ANKRD13D: variants seen among roughly 807,000 people sequenced by gnomAD.
ANKRD13D encodes ankyrin repeat domain-containing protein 13D.
Under a neutral mutation model 68.8 loss-of-function variants are expected in ANKRD13D, and 24 were observed. The observed-to-expected ratio is 0.35, with a 90% CI of 0.25 to 0.49. ANKRD13D has a LOEUF of 0.49. Ranked by LOEUF, ANKRD13D falls within the 20% of genes least tolerant of loss-of-function variation. The pLI, the probability that ANKRD13D is intolerant of heterozygous loss-of-function variation, is 0.99. For synonymous variants in ANKRD13D, 331 were observed against 336.1 expected (o/e 0.98, Z 0.16); for missense variants, 735 against 832.1 (o/e 0.88, Z 1.44).
At position 67,291,463 on chromosome 11, in the gene ANKRD13D, T is replaced by C; in HGVS notation, c.352-13T>C. On this transcript the variant is annotated splice_polypyrimidine_tract_variant and intron_variant, in intron 3 of 14. Transcript: ENST00000511455. Reference sequence around the variant, plus strand: ...CAGGCAGGGCGCTGACAAGCAGCTCTGGTTTCTCTTAGGCCCCCGATTTCT... The same window carrying C: ...CAGGCAGGGCGCTGACAAGCAGCTCCGGTTTCTCTTAGGCCCCCGATTTCT... The C allele has an allele frequency of 6.2e-7, 1 of 1,612,966 alleles. No individual in the cohort carries two copies. The highest frequency in any genetic ancestry group is 8.5e-7 in the Non-Finnish European group (1 of 1,179,592).
chr11:67,297,219 TC>T (rs1035945642), intron 6 of ANKRD13D, among the ~76,000 whole-genome samples: 14 of 152,338 alleles, frequency 9.2e-5, no homozygotes, highest in African/African-American at 3.4e-4. Flanking sequence ...GCATGTCTTT[TC>T]TTTTTTTGAC....
Position 67,289,547 on chromosome 11 carries a change from C to T in ANKRD13D, c.87C>T (p.His29=). Residue 29 remains histidine (H), a synonymous_variant, in exon 1 of 15, where the codon CAC becomes CAT. Coordinates refer to ENST00000511455, the MANE Select transcript of ANKRD13D (RefSeq NM_207354.3). ...AACTGGAGGCCGCACTGCACAGCCA[C>T]CAGGTGAGGCCCCGCTGGGGCACCC... ...HRELEAALHS[H]QHDIEQEDPR... 2 of 1,525,172 alleles carry T rather than the reference C, an allele frequency of 1.3e-6. No individual in the cohort carries two copies. Among genetic ancestry groups the T allele is most frequent in the South Asian group, 2.4e-5 (2 of 83,604 alleles). The allele number at this position is 1,525,172 out of a possible 1,614,324, so 94.5% of individuals were successfully genotyped here.
Position 67,300,688 on chromosome 11 carries a change from C to T in ANKRD13D, c.1074-302C>T, listed in dbSNP as rs772687637. 8 of 504,724 alleles carry T rather than the reference C, an allele frequency of 1.6e-5. No individual in the cohort carries two copies. The highest frequency in any genetic ancestry group is 3.4e-5 in the South Asian group (1 of 29,440). The allele number at this position is 504,724 out of a possible 1,614,324, so 31.3% of individuals were successfully genotyped here. A position where few individuals can be genotyped will look rare whatever the true frequency, so the allele number is the denominator to read the frequency against. On this transcript the variant is annotated intron_variant, in intron 10 of 14. Transcript: ENST00000511455. The surrounding 1 kb of genome is among the most constrained non-coding windows in gnomAD (Gnocchi z 4.3). ...ACCAGCTCTGGGCTGAGGAGGAAAA[C>T]GGGGCTGTGGGCCAGGCCCAGAGAG...
chr11:67,291,013 C>G (rs1231969953), intron 3 of ANKRD13D: 2 of 191,642 alleles, frequency 1.0e-5, no homozygotes, highest in South Asian at 1.8e-4. Context: ...CTTGGCCCAC[C>G]CTCTCCAGGG....
Position 67,302,200 on chromosome 11 carries a change from A to T in ANKRD13D, c.1686A>T (p.Pro562=). The T allele has an allele frequency of 6.3e-7, 1 of 1,590,882 alleles. No individual in the cohort carries two copies. Among genetic ancestry groups the T allele is most frequent in the East Asian group, 2.3e-5 (1 of 43,864 alleles). The change falls in exon 15 of 15, where the codon CCA becomes CCT. Residue 562 remains proline (P), a synonymous_variant. Transcript: ENST00000511455. ...SPPRTPPAPG[P]PSFEEQLRLA... is the part of the protein sequence containing the mutation. ...CCAGGACACCCCCAGCCCCCGGTCCACCCAGCTTTGAAGAGCAGCTGCGCC... is the reference window on the plus strand; with the variant it reads ...CCAGGACACCCCCAGCCCCCGGTCCTCCCAGCTTTGAAGAGCAGCTGCGCC...
chr11:67,289,977 G>A, intron 1 of ANKRD13D, 101 bp from the exon 2 acceptor site: 10 of 1,464,678 alleles, frequency 6.8e-6, no homozygotes, highest in African/African-American at 1.4e-5. Flanking sequence ...TCAGTCCGCC[G>A]TCCTTATTTC....
Position 67,300,356 on chromosome 11 carries a change from G to T in ANKRD13D, c.1073+233G>T. On this transcript the variant is annotated intron_variant, in intron 10 of 14. Transcript: ENST00000511455. The surrounding 1 kb of genome is among the most constrained non-coding windows in gnomAD (Gnocchi z 4.3). Reference sequence around the variant, plus strand: ...TGAATGGATGGTGCCACCCATGTATGGTTTTCTATTGAATTTCATGAGTAC... The same window carrying T: ...TGAATGGATGGTGCCACCCATGTATTGTTTTCTATTGAATTTCATGAGTAC... The T allele has an allele frequency of 1.8e-6, 1 of 560,260 alleles. No homozygotes were observed. The highest frequency in any genetic ancestry group is 3.0e-6 in the Non-Finnish European group (1 of 328,918). The allele number at this position is 560,260 out of a possible 1,614,324, so 34.7% of individuals were successfully genotyped here.
chr11:67,289,617 T>TGGGGGGGGGGGGGGGGGGG (rs1860443953), intron 1 of ANKRD13D, 67 bp downstream of exon 1: 5 of 1,125,046 alleles, frequency 4.4e-6, no homozygotes, highest in Non-Finnish European at 4.5e-6. Context: ...GCCTCCGTCC[T>TGGGGGGGGGGGGGGGGGGG]GGAGCCCCCC....
chr11:67,295,877 A>G (rs926925552), intron 6 of ANKRD13D, among the ~76,000 whole-genome samples: 2 of 152,234 alleles, frequency 1.3e-5, no homozygotes, highest in African/African-American at 4.8e-5. Context: ...TTTGGTAGAT[A>G]CCCTTCATCA....
chr11:67,294,681 C>T (rs186306958), intron 6 of ANKRD13D, among the ~76,000 whole-genome samples: 178 of 152,130 alleles, frequency 1.2e-3, no homozygotes, highest in Admixed American at 2.2e-3. Flanking sequence ...GCTGGGATTA[C>T]AGGTGCCCAC....
chr11:67,302,154 C>A lies in ANKRD13D; in HGVS notation c.1640C>A (p.Pro547His), dbSNP rs755723333. The A allele has an allele frequency of 1.1e-5, 17 of 1,595,284 alleles. 1 individual carries two copies. In the South Asian group the frequency reaches 1.9e-4, roughly 18 times the overall value. ...LQESLQLSTE[P>H]RGPGSPPRTP... ...GAAAGCCTGCAGCTGTCCACAGAGC[C>A]CAGGGGCCCAGGATCCCCTCCCAGG... Residue 547 changes from proline (P) to histidine (H), a missense_variant, in exon 15 of 15, where the codon CCC (proline) becomes CAC (histidine). Pro to His is a moderately conservative substitution (Grantham distance 77, BLOSUM62 -2). Transcript: ENST00000511455.
chr11:67,297,911 C>G (rs1860822544), intron 6 of ANKRD13D: 2 of 151,638 alleles, frequency 1.3e-5, no homozygotes, highest in South Asian at 4.2e-4. Context: ...GAGACGTTGG[C>G]TATTTAGGAG....
At position 67,300,453 on chromosome 11, in the gene ANKRD13D, G is replaced by A; in HGVS notation, c.1073+330G>A. 2 of 383,220 alleles carry A rather than the reference G, an allele frequency of 5.2e-6. No individual in the cohort carries two copies. Among genetic ancestry groups the A allele is most frequent in the Non-Finnish European group, 9.6e-6 (2 of 207,926 alleles). The allele number at this position is 383,220 out of a possible 1,614,324, so 23.7% of individuals were successfully genotyped here. A position where few individuals can be genotyped will look rare whatever the true frequency, so the allele number is the denominator to read the frequency against. Reference sequence around the variant, plus strand: ...GCCTGGGAGTGGAGCGTCTGCCTTGGTGGAACAGAACAGTTACGCTCTTGC... The same window carrying A: ...GCCTGGGAGTGGAGCGTCTGCCTTGATGGAACAGAACAGTTACGCTCTTGC... On this transcript the variant is annotated intron_variant, in intron 10 of 14. Transcript: ENST00000511455. The surrounding 1 kb of genome is among the most constrained non-coding windows in gnomAD (Gnocchi z 4.3).
chr11:67,292,001 C>G lies in ANKRD13D; in HGVS notation c.552C>G (p.Ala184=), dbSNP rs1860577899. The change falls in exon 6 of 15, where the codon GCC becomes GCG. Residue 184 remains alanine (A), a synonymous_variant. Transcript: ENST00000511455. The stretch of plus-strand genomic sequence containing the variant: ...CCTACCGGCCGGCAGAGGCAGGAGC[C>G]CTGGTGATGGAAGTGGACCATGACC... The part of the protein sequence containing the change: ...SFIFKGQEAG[A]LVMEVDHDRQ... The G allele has an allele frequency of 6.3e-7, 1 of 1,582,754 alleles. No individual in the cohort carries two copies.
intron 6 of ANKRD13D, chr11:67,298,709 T>A (rs1038575264): frequency 5.4e-5 from 13 of 242,608 alleles, no homozygotes; most frequent in African/African-American, 1.3e-4. Flanking sequence ...TTACCTTTTT[T>A]AAAAATGTTT....
rs1860899458 is a variant in ANKRD13D, at chr11:67,299,689, G to A, written c.880+78G>A. On this transcript the variant is annotated intron_variant, in intron 8 of 14. Coordinates refer to ENST00000511455, the MANE Select transcript of ANKRD13D (RefSeq NM_207354.3). This position sits in a 1 kb window ranked among gnomAD's most constrained non-coding sequence, Gnocchi z 6.2. ...CCCTGGCCTGGGATTAGGGGCCAGA[G>A]TTTCCCAGGATGAGCTGGGAGGCCT... 3 of 1,532,668 alleles carry A rather than the reference G, an allele frequency of 2.0e-6. No homozygotes were observed. Among genetic ancestry groups the A allele is most frequent in the African/African-American group, 2.7e-5 (2 of 72,914 alleles). 94.9% of individuals were successfully genotyped at this position (1,532,668 alleles called of 1,614,324 possible).
rs1199498676 is a variant in ANKRD13D, at chr11:67,289,679, T to TG, written c.90+130dup. ...AGCCACATCCTGGGCCTTCCTCCCC[T>TG]GCACGATCCCAAGCCCAGGTCACCG... On this transcript the variant is annotated intron_variant, in intron 1 of 14. Coordinates refer to ENST00000511455, the MANE Select transcript of ANKRD13D (RefSeq NM_207354.3). 340 of 1,181,820 alleles carry TG rather than the reference T, an allele frequency of 2.9e-4. 1 individual carries two copies. Among genetic ancestry groups the TG allele is most frequent in the Non-Finnish European group, 5.5e-5 (50 of 909,602 alleles). The allele number at this position is 1,181,820 out of a possible 1,614,324, so 73.2% of individuals were successfully genotyped here.
chr11:67,291,814 C>T, intron 5 of ANKRD13D, 68 bp downstream of exon 5: 1 of 1,579,216 alleles, frequency 6.3e-7, no homozygotes, highest in South Asian at 1.1e-5. Flanking sequence ...GAGGACGGTG[C>T]TGCCTTTTCT....
Position 67,299,460 on chromosome 11 carries a change from C to T in ANKRD13D, c.799-70C>T. 1 of 1,314,958 alleles carries T rather than the reference C, an allele frequency of 7.6e-7. No homozygotes were observed. Among genetic ancestry groups the T allele is most frequent in the Non-Finnish European group, 1.1e-6 (1 of 940,618 alleles). 81.5% of individuals were successfully genotyped at this position (1,314,958 alleles called of 1,614,324 possible). On this transcript the variant is annotated intron_variant, in intron 7 of 14. Coordinates refer to ENST00000511455, the MANE Select transcript of ANKRD13D (RefSeq NM_207354.3). This position sits in a 1 kb window ranked among gnomAD's most constrained non-coding sequence, Gnocchi z 6.2. ...TCTCTGGGACAGGAGGACCTGGGTT[C>T]TGCACTGGTGAGGCTGAGTGTGGGG...
Sources: allele counts gnomAD v4.1 joint callset (sites outside exome capture counted in the v4.1 genomes callset), GRCh38; gene constraint gnomAD v4.1.1; non-coding constraint Gnocchi (gnomAD v3.1); transcripts MANE v1.5; gene names NCBI Gene and HGNC (gene_info 2026-07-23, HGNC 2026-07-21).